The following VWC2L variants were observed in gnomAD, a reference collection of about 807,000 sequenced individuals.
The protein encoded by VWC2L is von Willebrand factor C domain-containing protein 2-like.
In VWC2L, 10 loss-of-function variants were observed where a neutral mutation model predicts 21.6. The observed-to-expected ratio is 0.46, with a 90% CI of 0.29 to 0.78. VWC2L has a LOEUF of 0.78. VWC2L is among the 30% of genes least tolerant of loss of function. The pLI, the probability that VWC2L is intolerant of heterozygous loss-of-function variation, is 0.10. For synonymous variants in VWC2L, 96 were observed against 94.3 expected (o/e 1.02, Z -0.10); for missense variants, 209 against 277.1 (o/e 0.75, Z 1.74).
chr2:214,542,699 T>G (rs917527885), intron 3 of VWC2L, among the ~76,000 whole-genome samples: 1 of 152,178 alleles, frequency 6.6e-6, no homozygotes, highest in African/African-American at 2.4e-5. Context: ...GCCTCTCCTG[T>G]GCCCTTTCCA....
At chr2:214,545,743 C>T (rs886676197) in intron 3 of VWC2L, among the ~76,000 whole-genome samples, 1 of 152,088 alleles carries the variant, frequency 6.6e-6, no homozygotes, top group African/African-American at 2.4e-5. Context: ...TTGGGGAAAT[C>T]AAGAAATTTC....
chr2:214,468,377 A>C lies in VWC2L; in HGVS notation c.520+31619A>C, dbSNP rs543862415. Among the ~76,000 whole-genome samples, 38 of 152,328 alleles carry C rather than the reference A, an allele frequency of 2.5e-4. No individual in the cohort carries two copies. The South Asian group carries it at 7.9e-3, about 32-fold the overall frequency. Reference sequence around the variant, plus strand: ...GGAAAACTAGGGTTAAAAATGTGAAATGCTGTTCCAAATACCTAGTAAATT... The same window carrying C: ...GGAAAACTAGGGTTAAAAATGTGAACTGCTGTTCCAAATACCTAGTAAATT... On this transcript the variant is annotated intron_variant, in intron 3 of 3. Transcript: ENST00000312504.
intron 1 of VWC2L, among the ~76,000 whole-genome samples, chr2:214,413,153 A>T (rs756875228): frequency 3.9e-5 from 6 of 152,106 alleles, no homozygotes; most frequent in Non-Finnish European, 8.8e-5. Flanking sequence ...TTCCATAAAG[A>T]ATTTTATGCT....
At chr2:214,571,644 A>C (rs908520466) in intron 3 of VWC2L, among the ~76,000 whole-genome samples, 3 of 152,220 alleles carry the variant, frequency 2.0e-5, no homozygotes, top group Admixed American at 1.3e-4. Context: ...GGACCATAAG[A>C]AATAACAAAC....
chr2:214,498,770 T>A (rs1255910475), intron 3 of VWC2L, among the ~76,000 whole-genome samples: 1 of 149,436 alleles, frequency 6.7e-6, no homozygotes, highest in Non-Finnish European at 1.5e-5. Flanking sequence ...TATACATACA[T>A]GTATTTTAAT....
chr2:214,429,762 C>T (rs1328892914), intron 2 of VWC2L, among the ~76,000 whole-genome samples: 1 of 151,886 alleles, frequency 6.6e-6, no homozygotes, highest in Non-Finnish European at 1.5e-5. Context: ...GGGTTACCTG[C>T]CCTTAAATAT....
At chr2:214,467,714 A>G (rs1022283152) in intron 3 of VWC2L, among the ~76,000 whole-genome samples, 1 of 152,202 alleles carries the variant, frequency 6.6e-6, no homozygotes, top group African/African-American at 2.4e-5. Flanking sequence ...ATGTTGATCA[A>G]TTCATAGCTA....
At chr2:214,510,152 A>G (rs897591065) in intron 3 of VWC2L, 2 of 152,148 alleles carry the variant, frequency 1.3e-5, no homozygotes, top group African/African-American at 4.8e-5. Flanking sequence ...TTTCAGAATC[A>G]GAAAGCCAGT....
chr2:214,495,326 C>G (rs906325383), intron 3 of VWC2L, among the ~76,000 whole-genome samples: 3 of 152,116 alleles, frequency 2.0e-5, no homozygotes, highest in Non-Finnish European at 4.4e-5. Flanking sequence ...CTCTGAGGGC[C>G]TGCTCAGAGG....
chr2:214,558,983 C>T (rs1689920257), intron 3 of VWC2L, among the ~76,000 whole-genome samples: 1 of 151,690 alleles, frequency 6.6e-6, no homozygotes, highest in African/African-American at 2.4e-5. Context: ...AACTCGTCAT[C>T]TAGCATTAGG....
intron 3 of VWC2L, among the ~76,000 whole-genome samples, chr2:214,447,902 C>T (rs1349625901): frequency 6.6e-6 from 1 of 152,036 alleles, no homozygotes; most frequent in Non-Finnish European, 1.5e-5. Flanking sequence ...CTGTCTTACC[C>T]TCACTGCCTG....
chr2:214,440,416 G>A (rs1027093098), intron 3 of VWC2L, among the ~76,000 whole-genome samples: 23 of 151,922 alleles, frequency 1.5e-4, no homozygotes, highest in African/African-American at 5.6e-4. Flanking sequence ...TTCTTTCCCT[G>A]AGATTGTGTT....
In VWC2L at chr2:214,425,607, A is replaced by G. The variant is rs180880770; in HGVS notation, c.391-11022A>G. On this transcript the variant is annotated intron_variant, in intron 2 of 3. Coordinates refer to ENST00000312504, the MANE Select transcript of VWC2L (RefSeq NM_001080500.4). ...ATATAATAGATATATTTAGGATTATATTAAGTGAAAACATGTATACATTAT... is the reference window on the plus strand; with the variant it reads ...ATATAATAGATATATTTAGGATTATGTTAAGTGAAAACATGTATACATTAT... Among the ~76,000 whole-genome samples the G allele has an allele frequency of 5.3e-5, 8 of 152,330 alleles. No individual in the cohort carries two copies. In the East Asian group the frequency reaches 7.7e-4, roughly 15 times the overall value.
At chr2:214,540,626 C>T (rs923467592) in intron 3 of VWC2L, among the ~76,000 whole-genome samples, 23 of 152,172 alleles carry the variant, frequency 1.5e-4, no homozygotes, top group African/African-American at 5.6e-4. Flanking sequence ...TGCTAATGAA[C>T]AGTGCATTCT....
At chr2:214,485,685 T>A (rs551269439) in intron 3 of VWC2L, among the ~76,000 whole-genome samples, 1 of 152,232 alleles carries the variant, frequency 6.6e-6, no homozygotes, top group African/African-American at 2.4e-5. Context: ...TCCTCTGTGC[T>A]CACACTACCT....
At chr2:214,479,806 C>A (rs1688576594) in intron 3 of VWC2L, among the ~76,000 whole-genome samples, 2 of 152,070 alleles carry the variant, frequency 1.3e-5, no homozygotes, top group Admixed American at 1.3e-4. Context: ...TAATAATAAT[C>A]TGGATATAGA....
intron 3 of VWC2L, among the ~76,000 whole-genome samples, chr2:214,502,260 A>G (rs149567757): frequency 1.5e-3 from 230 of 152,258 alleles, no homozygotes; most frequent in African/African-American, 5.4e-3. Context: ...TGCAAAGTGT[A>G]AATATAAAGC....
intron 2 of VWC2L, among the ~76,000 whole-genome samples, chr2:214,429,627 AT>A (rs1444147980): frequency 2.6e-5 from 4 of 152,014 alleles, no homozygotes; most frequent in African/African-American, 9.7e-5. Flanking sequence ...TAAAATTTAC[AT>A]TTATATGTTT....
intron 3 of VWC2L, among the ~76,000 whole-genome samples, chr2:214,520,224 T>C (rs1293880050): frequency 1.3e-5 from 2 of 152,204 alleles, no homozygotes; most frequent in African/African-American, 2.4e-5. Context: ...ATTCCCCATA[T>C]ATACTTGCTT....
Sources: allele counts gnomAD v4.1 joint callset (sites outside exome capture counted in the v4.1 genomes callset), GRCh38; gene constraint gnomAD v4.1.1; transcripts MANE v1.5; gene names NCBI Gene and HGNC (gene_info 2026-07-23, HGNC 2026-07-21).